WRAP53: variants seen among roughly 807,000 people sequenced by gnomAD.
WRAP53 encodes the protein telomerase Cajal body protein 1.
A neutral mutation model predicts 56.6 loss-of-function variants in WRAP53; 28 were observed. The observed-to-expected ratio is 0.50, with a 90% CI of 0.37 to 0.68. WRAP53 has a LOEUF of 0.68. Among genes scored for constraint, WRAP53 ranks in the 30% least tolerant of loss-of-function variants. The probability of loss-of-function intolerance (pLI) is 0.00; values close to 1 mark genes in which losing one functional copy is unlikely to be tolerated. For missense variants in WRAP53, 671 were observed against 715.5 expected, an observed-to-expected ratio of 0.94 and a Z score of 0.71; for synonymous variants, 283 against 283.4, an observed-to-expected ratio of 1.00 and a Z score of 0.01.
chr17:7,700,655 C>G (rs2074261369), intron 4 of WRAP53, 86 bp from the exon 5 acceptor site: 1 of 859,852 alleles, frequency 1.2e-6, no homozygotes, highest in South Asian at 1.3e-5. Flanking sequence ...ATATATACAC[C>G]CCATCTGCCA....
chr17:7,689,818 G>A, intron 4 of WRAP53, 117 bp downstream of exon 4: 1 of 831,682 alleles, frequency 1.2e-6, no homozygotes, highest in Admixed American at 2.1e-5. Context: ...TTTTCAAGAC[G>A]AGTTTCCACA....
At position 7,702,576 on chromosome 17, in the gene WRAP53, C is replaced by G; in HGVS notation, c.1164+24C>G. 6.2e-7 allele frequency: 1 copy of G among 1,602,598 alleles called. No individual in the cohort carries two copies. The highest frequency in any genetic ancestry group is 8.5e-7 in the Non-Finnish European group (1 of 1,178,274). On this transcript the variant is annotated intron_variant, in intron 8 of 10. Transcript: ENST00000396463. This position sits in a 1 kb window ranked among gnomAD's most constrained non-coding sequence, Gnocchi z 5.0. ...AGGTAGGGGTCACACCCTGAGAGCC[C>G]AAAGCAGCTGGGCAGCGGGGCAGGA...
chr17:7,692,061 C>T (rs181975550), intron 4 of WRAP53, among the ~76,000 whole-genome samples: 2,604 of 150,152 alleles, frequency 0.017, 29 homozygotes, highest in Non-Finnish European at 0.027. Context: ...AGGCTGGTCT[C>T]GAACTCCTGA....
chr17:7,697,512 A>G (rs1434780296), intron 4 of WRAP53, among the ~76,000 whole-genome samples: 2 of 151,876 alleles, frequency 1.3e-5, no homozygotes, highest in African/African-American at 4.8e-5. Flanking sequence ...TATAAAAATT[A>G]GCCGGGCGTG....
rs1380425772 is a variant in WRAP53, at chr17:7,699,527, T to A, written c.643-1214T>A. On this transcript the variant is annotated intron_variant, in intron 4 of 10. Coordinates refer to ENST00000396463, the MANE Select transcript of WRAP53 (RefSeq NM_001143992.2). Reference sequence around the variant, plus strand: ...TTATATATATATATATATATTTATATATATATATATATTCCTAAGGAAATG... The same window carrying A: ...TTATATATATATATATATATTTATAAATATATATATATTCCTAAGGAAATG... Among the ~76,000 whole-genome samples, 10 of 63,190 alleles carry A rather than the reference T, an allele frequency of 1.6e-4. 1 individual carries two copies. The highest frequency in any genetic ancestry group is 1.1e-3 in the Admixed American group (5 of 4,692). The allele number at this position is 63,190 out of a possible 152,430, so 41.5% of individuals were successfully genotyped here.
At chr17:7,689,501 GC>G in intron 3 of WRAP53, 88 bp from the exon 4 acceptor site, 2 of 1,376,696 alleles carry the variant, frequency 1.5e-6, no homozygotes, top group South Asian at 2.4e-5. Flanking sequence ...ATTCAGGGGG[GC>G]TTACCTACCC....
At chr17:7,689,729 A>C (rs374515206) in intron 4 of WRAP53, 28 bp downstream of exon 4, 40 of 1,551,810 alleles carry the variant, frequency 2.6e-5, no homozygotes, top group Admixed American at 1.2e-4. Flanking sequence ...CTGCCTCTTC[A>C]TCAATGCTGC....
chr17:7,689,802 GA>G, intron 4 of WRAP53, 101 bp downstream of exon 4: 1 of 997,506 alleles, frequency 1.0e-6, no homozygotes, highest in Non-Finnish European at 1.5e-6. Flanking sequence ...TCACAAACGG[GA>G]CTGTTTTTCA....
At position 7,701,501 on chromosome 17, in the gene WRAP53, C is replaced by T. The variant is rs369798739; in HGVS notation, c.774C>T (p.Asp258=). 138 of 1,614,146 alleles carry T rather than the reference C, an allele frequency of 8.5e-5. No homozygotes were observed. The highest frequency in any genetic ancestry group is 4.9e-4 in the Middle Eastern group (3 of 6,084). ...GGGAGAACCCGATTCATATCTGGGA[C>T]GCATTCACTGGAGAGCTCCGGGCTT... ...SSRENPIHIW[D]AFTGELRASF... Residue 258 remains aspartate, a synonymous_variant, in exon 6 of 11, where the codon GAC becomes GAT. Transcript: ENST00000396463. This position sits in a 1 kb window ranked among gnomAD's most constrained non-coding sequence, Gnocchi z 4.2.
chr17:7,698,284 A>G (rs1245121353), intron 4 of WRAP53, among the ~76,000 whole-genome samples: 1 of 152,250 alleles, frequency 6.6e-6, no homozygotes, highest in Non-Finnish European at 1.5e-5. Flanking sequence ...ACAGAAAAAC[A>G]TCAGTGATTC....
intron 4 of WRAP53, among the ~76,000 whole-genome samples, chr17:7,690,678 G>A (rs1193429452): frequency 3.3e-5 from 5 of 152,222 alleles, no homozygotes; most frequent in Admixed American, 1.3e-4. Flanking sequence ...TCAGGAGGCC[G>A]AGGTGTGCAG....
intron 4 of WRAP53, among the ~76,000 whole-genome samples, chr17:7,693,148 C>T (rs1213696258): frequency 7.0e-6 from 1 of 142,710 alleles, no homozygotes; most frequent in Non-Finnish European, 1.5e-5. Flanking sequence ...CTCTGCTGGG[C>T]CTTCTCCTCC....
At chr17:7,694,959 C>CTT (rs200485703) in intron 4 of WRAP53, among the ~76,000 whole-genome samples, 2 of 143,590 alleles carry the variant, frequency 1.4e-5, no homozygotes, top group African/African-American at 5.1e-5. Context: ...AAATAGATAA[C>CTT]TTTTTTTTTT....
At chr17:7,695,215 A>G (rs1320908867) in intron 4 of WRAP53, among the ~76,000 whole-genome samples, 3 of 152,154 alleles carry the variant, frequency 2.0e-5, no homozygotes, top group Admixed American at 6.5e-5. Context: ...TTGGCCTCTC[A>G]AAGTGCTGGG....
chr17:7,695,250 C>T (rs918464745), intron 4 of WRAP53, among the ~76,000 whole-genome samples: 3 of 152,036 alleles, frequency 2.0e-5, no homozygotes, highest in Non-Finnish European at 4.4e-5. Flanking sequence ...CCACTGCACC[C>T]GGCCTTAAAT....
intron 4 of WRAP53, among the ~76,000 whole-genome samples, chr17:7,694,125 A>T (rs560418019): frequency 3.3e-5 from 5 of 152,360 alleles, no homozygotes; most frequent in African/African-American, 4.8e-5. Flanking sequence ...TCTACTAAAA[A>T]AGATACAAAG....
rs987092362 is a variant in WRAP53 at position 7,691,029 on chromosome 17, G to C, written c.642+1328G>C. 2.0e-5 allele frequency among the ~76,000 whole-genome samples: 3 copies of C among 152,014 alleles called. No homozygotes were observed. The South Asian group carries it at 6.2e-4, about 32-fold the overall frequency. On this transcript the variant is annotated intron_variant, in intron 4 of 10. Transcript: ENST00000396463. ...GTTTGAGACCAGCCTGGCCAACATG[G>C]CAAAACCTCATCTCTACAAAAATAC... is the stretch of plus-strand genomic sequence containing the variant.
chr17:7,699,476 T>TTATA (rs1299417199), intron 4 of WRAP53, among the ~76,000 whole-genome samples: 392 of 11,292 alleles, frequency 0.035, 9 homozygotes, highest in Non-Finnish European at 0.045. Context: ...ATATATATAT[T>TTATA]TATATATATA....
rs147226406 is a variant in WRAP53, at chr17:7,689,225, G to T, written c.433G>T (p.Ala145Ser). Residue 145 changes from alanine (A) to serine (S), a missense_variant and splice_region_variant, in exon 3 of 11, where the codon GCT (alanine) becomes TCT (serine). By Grantham distance (99) the Ala-to-Ser change is moderately conservative (BLOSUM62 1). Transcript: ENST00000396463. ...TATTGTCCCCCATCTTCCTTTCAGC[G>T]CTTGGAACTACAGCTTCTCCCAGCT... ...EPAAEDEGDT[A>S]WNYSFSQLPR... 6.2e-6 allele frequency: 10 copies of T among 1,613,814 alleles called. No homozygotes were observed. Among genetic ancestry groups the T allele is most frequent in the Non-Finnish European group, 8.5e-6 (10 of 1,179,978 alleles).
Sources: gnomAD v4.1 joint callset for allele counts (sites outside exome capture counted in the v4.1 genomes callset) on GRCh38, gnomAD v4.1.1 for gene constraint, Gnocchi (gnomAD v3.1) non-coding constraint, MANE v1.5 for transcripts, NCBI Gene and HGNC (gene_info 2026-07-23, HGNC 2026-07-21) for gene names.